The following PTN variants were observed in gnomAD, a reference collection of about 807,000 sequenced individuals.
PTN encodes the protein pleiotrophin.
In PTN, 18 loss-of-function variants were observed where a neutral mutation model predicts 24.1. The ratio of observed to expected loss-of-function variants is 0.75; its 90% CI spans 0.52 to 1.11. PTN has a LOEUF of 1.11. Ranked by LOEUF, PTN falls within the 50% of genes least tolerant of loss-of-function variation. The probability of loss-of-function intolerance (pLI) is 0.00; values close to 1 mark genes in which losing one functional copy is unlikely to be tolerated. For synonymous variants in PTN, 78 were observed against 68.6 expected (o/e 1.14, Z -0.67); for missense variants, 163 against 198.8 (o/e 0.82, Z 1.08).
chr7:137,296,660 T>C (rs1585033931), intron 1 of PTN, among the ~76,000 whole-genome samples: 1 of 151,766 alleles, frequency 6.6e-6, no homozygotes, highest in East Asian at 1.9e-4. Flanking sequence ...GGGTGGAGAG[T>C]AGAACTCTGA....
At chr7:137,284,421 GC>G (rs1809523102) in intron 1 of PTN, among the ~76,000 whole-genome samples, 1 of 151,836 alleles carries the variant, frequency 6.6e-6, no homozygotes, top group Non-Finnish European at 1.5e-5. Context: ...AGCATCAAAT[GC>G]TCCCACTCAC....
intron 1 of PTN, among the ~76,000 whole-genome samples, chr7:137,303,419 A>C (rs1809836832): frequency 6.6e-6 from 1 of 151,966 alleles, no homozygotes; most frequent in Non-Finnish European, 1.5e-5. Context: ...AAGGCTAATC[A>C]CATGAGACTT....
chr7:137,317,436 G>C (rs1389465193), intron 1 of PTN, among the ~76,000 whole-genome samples: 1 of 152,164 alleles, frequency 6.6e-6, no homozygotes, highest in Non-Finnish European at 1.5e-5. Context: ...GGTGTATGTG[G>C]GTAAAGAGTG....
chr7:137,232,417 G>A (rs1808443514), intron 4 of PTN, among the ~76,000 whole-genome samples: 1 of 151,860 alleles, frequency 6.6e-6, no homozygotes, highest in African/African-American at 2.4e-5. Flanking sequence ...ATACAGAGAT[G>A]AGAAAAAATA....
chr7:137,298,109 A>G (rs1465028156), intron 1 of PTN, among the ~76,000 whole-genome samples: 1 of 151,996 alleles, frequency 6.6e-6, no homozygotes, highest in Non-Finnish European at 1.5e-5. Flanking sequence ...TAAAATATAG[A>G]TCCACACGCA....
At chr7:137,343,192 A>T (rs570313110) in intron 1 of PTN, among the ~76,000 whole-genome samples, 4 of 152,244 alleles carry the variant, frequency 2.6e-5, no homozygotes, top group African/African-American at 7.2e-5. Flanking sequence ...CATGCTTAAC[A>T]TCACAAAAAC....
chr7:137,232,163 G>C (rs1159329038), intron 4 of PTN, among the ~76,000 whole-genome samples: 1 of 151,876 alleles, frequency 6.6e-6, no homozygotes, highest in African/African-American at 2.4e-5. Flanking sequence ...CATGTCCCTT[G>C]TCCCTGCCTG....
chr7:137,311,322 A>G (rs933072363), intron 1 of PTN, among the ~76,000 whole-genome samples: 2 of 152,016 alleles, frequency 1.3e-5, no homozygotes, highest in African/African-American at 4.8e-5. Context: ...ATTGGTTTGA[A>G]CTTGTATCCA....
rs566396146 is a variant in PTN, at chr7:137,257,954, C to A, written c.-1-2980G>T. On this transcript the variant is annotated intron_variant, in intron 1 of 4. Transcript: ENST00000348225. ...ACTTGGCAGAAATAGAAAGACTCTA[C>A]CTTCTGTAAATAATACAATAACACA... Among the ~76,000 whole-genome samples, 5 of 152,262 alleles carry A rather than the reference C, an allele frequency of 3.3e-5. No individual in the cohort carries two copies. The South Asian group carries it at 1.0e-3, about 32-fold the overall frequency.
At chr7:137,337,239 G>A (rs537360173) in intron 1 of PTN, among the ~76,000 whole-genome samples, 2 of 152,122 alleles carry the variant, frequency 1.3e-5, no homozygotes, top group Non-Finnish European at 2.9e-5. Flanking sequence ...ATTGGATTTG[G>A]GGTTTGACAT....
At chr7:137,240,870 A>T (rs1808616545) in intron 4 of PTN, among the ~76,000 whole-genome samples, 1 of 152,220 alleles carries the variant, frequency 6.6e-6, no homozygotes. Flanking sequence ...CTTGCATTTA[A>T]GTCCTCTGCA....
At chr7:137,309,544 C>T (rs908199582) in intron 1 of PTN, among the ~76,000 whole-genome samples, 3 of 150,790 alleles carry the variant, frequency 2.0e-5, no homozygotes, top group African/African-American at 4.9e-5. Flanking sequence ...GGAGAACTTC[C>T]TTCAAAATCT....
At chr7:137,291,584 C>T (rs1809639511) in intron 1 of PTN, among the ~76,000 whole-genome samples, 1 of 151,962 alleles carries the variant, frequency 6.6e-6, no homozygotes, top group Non-Finnish European at 1.5e-5. Flanking sequence ...TCTCATTGTC[C>T]TTGACCACCA....
At chr7:137,280,568 C>T (rs1809450513) in intron 1 of PTN, among the ~76,000 whole-genome samples, 1 of 151,064 alleles carries the variant, frequency 6.6e-6, no homozygotes, top group South Asian at 2.1e-4. Context: ...ACCATGCAAA[C>T]TGGGGCTGTG....
chr7:137,328,094 C>G (rs1309684841), intron 1 of PTN, among the ~76,000 whole-genome samples: 1 of 152,190 alleles, frequency 6.6e-6, no homozygotes, highest in Admixed American at 6.5e-5. Flanking sequence ...TTCCCTGTTT[C>G]AGCTGTAGAA....
intron 4 of PTN, among the ~76,000 whole-genome samples, chr7:137,243,589 C>A (rs1465564918): frequency 2.0e-5 from 3 of 152,182 alleles, no homozygotes; most frequent in Non-Finnish European, 4.4e-5. Context: ...GAGGTAGAAT[C>A]TAGAAAGTTA....
At position 137,309,633 on chromosome 7, in the gene PTN, C is replaced by T. The variant is rs544917206; in HGVS notation, c.-2+33806G>A. Among the ~76,000 whole-genome samples the T allele has an allele frequency of 2.6e-5, 4 of 152,256 alleles. No individual in the cohort carries two copies. The South Asian group carries it at 6.2e-4, about 24-fold the overall frequency. On this transcript the variant is annotated intron_variant, in intron 1 of 4. Transcript: ENST00000348225. ...TCTAAATACTTTGTTGTCATTTCAA[C>T]AATGCTCACATCTCCACCAAGAGAA...
intron 4 of PTN, among the ~76,000 whole-genome samples, chr7:137,245,858 A>G (rs80078783): frequency 0.015 from 2,250 of 152,354 alleles, 28 homozygotes; most frequent in Middle Eastern, 0.027. Context: ...TAAAGATATA[A>G]GGAAAGAATA....
chr7:137,315,170 C>T (rs1174706922), intron 1 of PTN, among the ~76,000 whole-genome samples: 2 of 152,032 alleles, frequency 1.3e-5, no homozygotes, highest in Non-Finnish European at 2.9e-5. Flanking sequence ...AATAATTATG[C>T]CATGCAATGG....
Sources: allele counts gnomAD v4.1 joint callset (sites outside exome capture counted in the v4.1 genomes callset), GRCh38; gene constraint gnomAD v4.1.1; transcripts MANE v1.5; gene names NCBI Gene and HGNC (gene_info 2026-07-23, HGNC 2026-07-21).